TNRC18: variants seen among roughly 807,000 people sequenced by gnomAD.
TNRC18 encodes the protein trinucleotide repeat containing 18, also known as trinucleotide repeat-containing gene 18 protein.
TNRC18 carries 69 observed loss-of-function variants against 226.7 expected under a neutral mutation model. The ratio of observed to expected loss-of-function variants is 0.30; its 90% CI spans 0.25 to 0.37. TNRC18 has a LOEUF of 0.37. TNRC18 is among the 10% of genes least tolerant of loss of function. TNRC18 has a pLI of 1.00. For synonymous variants in TNRC18, 2,449 were observed against 1,927.6 expected, an observed-to-expected ratio of 1.27 and a Z score of -7.09; for missense variants, 4,754 against 4,256.6, an observed-to-expected ratio of 1.12 and a Z score of -3.25.
chr7:5,406,871 GAAAAGAAA>G (rs1562630525), intron 2 of TNRC18, among the ~76,000 whole-genome samples: 2 of 150,858 alleles, frequency 1.3e-5, no homozygotes, highest in African/African-American at 4.9e-5. Flanking sequence ...AAGAAAGAAA[GAAAAGAAA>G]AAAGAAAAGA....
chr7:5,362,848 A>T (rs772847305), intron 11 of TNRC18, 23 bp from the exon 12 acceptor site: 1 of 1,484,070 alleles, frequency 6.7e-7, no homozygotes. Flanking sequence ...GGTAGGTAAC[A>T]GGGCGCTGCT....
rs548772421 is a variant in TNRC18, at chr7:5,313,186, T to C, written c.7705A>G (p.Ser2569Gly). ...SSSSSSSGSS[S>G]SSSSSSSSGS... ...CTGCTGCTGCTGCTGCTGCTGCTGC[T>C]ACTGCTGCCACTACTGCTGCTGCTG... Residue 2569 changes from serine to glycine, a missense_variant, in exon 27 of 30, where the codon AGC (serine) becomes GGC (glycine). Ser to Gly is a moderately conservative substitution (Grantham distance 56). Coordinates refer to ENST00000430969, the MANE Select transcript of TNRC18 (RefSeq NM_001080495.3). 3.5e-4 allele frequency: 537 copies of C among 1,539,112 alleles called. 2 individuals carry two copies. Among genetic ancestry groups the C allele is most frequent in the South Asian group, 2.0e-3 (165 of 82,158 alleles).
chr7:5,380,968 G>GC (rs984589749), intron 5 of TNRC18, among the ~76,000 whole-genome samples: 3 of 152,176 alleles, frequency 2.0e-5, no homozygotes, highest in Admixed American at 6.5e-5. Context: ...CTCTCCCCGT[G>GC]CCCCCAGAAG....
intron 16 of TNRC18, among the ~76,000 whole-genome samples, chr7:5,354,080 G>A (rs1314491216): frequency 2.0e-5 from 3 of 151,976 alleles, no homozygotes; most frequent in African/African-American, 7.2e-5. Flanking sequence ...GTGCGTGCCT[G>A]TAACCCCAGC....
intron 24 of TNRC18, among the ~76,000 whole-genome samples, chr7:5,319,215 C>T (rs1788111999): frequency 6.6e-6 from 1 of 152,184 alleles, no homozygotes; most frequent in Non-Finnish European, 1.5e-5. Flanking sequence ...TCTTCCTGGC[C>T]TGAGATCCTC....
chr7:5,383,359 C>T (rs1233876502), intron 5 of TNRC18, among the ~76,000 whole-genome samples: 1 of 152,180 alleles, frequency 6.6e-6, no homozygotes, highest in African/African-American at 2.4e-5. Context: ...ACCCAGGGCT[C>T]CCCTGCACAG....
intron 11 of TNRC18, among the ~76,000 whole-genome samples, chr7:5,369,085 C>G (rs1583943586): frequency 6.6e-6 from 1 of 152,202 alleles, no homozygotes; most frequent in South Asian, 2.1e-4. Flanking sequence ...CGGTGGCTCA[C>G]ACCTGTAATC....
intron 2 of TNRC18, among the ~76,000 whole-genome samples, chr7:5,400,349 C>G (rs1584075387): frequency 1.3e-5 from 2 of 152,114 alleles, no homozygotes; most frequent in African/African-American, 4.8e-5. Context: ...GTGGCTCATG[C>G]CTGTAATCAC....
chr7:5,316,648 T>A (rs1381006202), intron 24 of TNRC18, among the ~76,000 whole-genome samples: 3 of 152,078 alleles, frequency 2.0e-5, no homozygotes, highest in Admixed American at 1.3e-4. Flanking sequence ...CGCCCGCTCA[T>A]GCACAAGACC....
At chr7:5,404,306 G>C (rs1339566834) in intron 2 of TNRC18, among the ~76,000 whole-genome samples, 1 of 151,792 alleles carries the variant, frequency 6.6e-6, no homozygotes, top group Non-Finnish European at 1.5e-5. Context: ...GGGAGGCGGA[G>C]GTTGCAGTGA....
chr7:5,374,201 C>CCG lies in TNRC18; in HGVS notation c.3082_3083insCG (p.Ser1028ThrfsTer132). On this transcript the variant is annotated frameshift_variant, in exon 10 of 30. Transcript: ENST00000430969. LOFTEE classifies it high-confidence loss of function. ...GGGCGGCGGGCTGGTGGGGTGGGAGCTGGGGGTGGCGGGGTAGGCGTAGGC... is the reference window on the plus strand; with the variant it reads ...GGGCGGCGGGCTGGTGGGGTGGGAGCCGTGGGGGTGGCGGGGTAGGCGTAGGC... The CCG allele has an allele frequency of 1.4e-6, 1 of 738,490 alleles. No individual in the cohort carries two copies. The highest frequency in any genetic ancestry group is 1.6e-6 in the Non-Finnish European group (1 of 618,636). The allele number at this position is 738,490 out of a possible 1,614,324, so 45.7% of individuals were successfully genotyped here.
intron 17 of TNRC18, among the ~76,000 whole-genome samples, chr7:5,348,209 G>A (rs906158951): frequency 6.6e-6 from 1 of 152,194 alleles, no homozygotes; most frequent in Admixed American, 6.5e-5. Context: ...ACGGGCAGGT[G>A]GAAGGCCTGA....
chr7:5,410,777 C>A (rs868056143), intron 2 of TNRC18, among the ~76,000 whole-genome samples: 2 of 144,356 alleles, frequency 1.4e-5, no homozygotes, highest in Non-Finnish European at 3.0e-5. Context: ...GAGGCTTCAG[C>A]GCTTGAACCC....
Position 5,376,132 on chromosome 7 carries a change from G to T in TNRC18, c.2701C>A (p.Leu901Ile). 4 of 1,588,340 alleles carry T rather than the reference G, an allele frequency of 2.5e-6. No individual in the cohort carries two copies. The highest frequency in any genetic ancestry group is 3.4e-6 in the Non-Finnish European group (4 of 1,168,336). ...CGCAGGAAGTGCTGCTGTGAGAAGA[G>T]CTGCAGCTGCTGGGCGTGGTGCAGG... Reference protein sequence around the residue: ...SPLHHAQQLQLFSQQHFLRQQ... With the variant: ...SPLHHAQQLQIFSQQHFLRQQ... Residue 901 changes from leucine (L) to isoleucine (I), a missense_variant, in exon 9 of 30, where the codon CTC (leucine) becomes ATC (isoleucine). Physicochemically the swap from Leu to Ile is conservative, Grantham distance 5. Coordinates refer to ENST00000430969, the MANE Select transcript of TNRC18 (RefSeq NM_001080495.3).
intron 18 of TNRC18, among the ~76,000 whole-genome samples, chr7:5,342,615 G>C (rs1790799078): frequency 1.3e-5 from 2 of 152,150 alleles, no homozygotes; most frequent in African/African-American, 4.8e-5. Context: ...AAGATGAGGA[G>C]CTGCTTTTTA....
At chr7:5,399,996 C>T (rs565862372) in intron 2 of TNRC18, among the ~76,000 whole-genome samples, 2 of 152,102 alleles carry the variant, frequency 1.3e-5, no homozygotes, top group Non-Finnish European at 2.9e-5. Context: ...CTCAAGCAAT[C>T]GCCCCACCTT....
At chr7:5,398,532 T>G (rs956028525) in intron 2 of TNRC18, among the ~76,000 whole-genome samples, 37 of 152,220 alleles carry the variant, frequency 2.4e-4, no homozygotes, top group South Asian at 6.2e-4. Flanking sequence ...TTGCCCAGGC[T>G]GGTCTCAAAC....
At position 5,385,164 on chromosome 7, in the gene TNRC18, G is replaced by A. The variant is rs189582098; in HGVS notation, c.2152+2508C>T. On this transcript the variant is annotated intron_variant, in intron 5 of 29. Transcript: ENST00000430969. Reference sequence around the variant, plus strand: ...GGTCCAGCACCAGATACCCAGGACCGGCTGGGGCAGGCATCAGGGTGGTGG... The same window carrying A: ...GGTCCAGCACCAGATACCCAGGACCAGCTGGGGCAGGCATCAGGGTGGTGG... Among the ~76,000 whole-genome samples the A allele has an allele frequency of 3.0e-3, 457 of 152,308 alleles. 2 individuals are homozygous for A. The highest frequency in any genetic ancestry group is 8.7e-3 in the South Asian group (42 of 4,830).
At chr7:5,419,215 G>C (rs1391359766) in intron 2 of TNRC18, among the ~76,000 whole-genome samples, 1 of 152,380 alleles carries the variant, frequency 6.6e-6, no homozygotes, top group East Asian at 1.9e-4. Flanking sequence ...GTCAGATTAG[G>C]CGCGGCCCTG....
Sources: gnomAD v4.1 joint callset for allele counts (sites outside exome capture counted in the v4.1 genomes callset) on GRCh38, gnomAD v4.1.1 for gene constraint, MANE v1.5 for transcripts, NCBI Gene and HGNC (gene_info 2026-07-23, HGNC 2026-07-21) for gene names.